KEL: variants seen among roughly 807,000 people sequenced by gnomAD.
KEL encodes the protein kell blood group glycoprotein.
KEL carries 96 observed loss-of-function variants against 99.5 expected under a neutral mutation model. The observed-to-expected ratio is 0.97, with a 90% CI of 0.82 to 1.14. The LOEUF (loss-of-function observed/expected upper bound fraction) is 1.14, where lower values mean the gene tolerates loss of function less well. KEL is among the 50% of genes most tolerant of loss of function. The probability of loss-of-function intolerance (pLI) is 0.00; values close to 1 mark genes in which losing one functional copy is unlikely to be tolerated. For missense variants in KEL, 926 were observed against 924.2 expected, an observed-to-expected ratio of 1.00 and a Z score of -0.03; for synonymous variants, 355 against 354.8, an observed-to-expected ratio of 1.00 and a Z score of -0.01.
intron 6 of KEL, among the ~76,000 whole-genome samples, chr7:142,957,008 G>C (rs563772189): frequency 6.6e-6 from 1 of 152,152 alleles, no homozygotes; most frequent in African/African-American, 2.4e-5. Context: ...GCCTGGCCCT[G>C]TGATAGGTCC....
chr7:142,950,104 G>A (rs1796644398), intron 10 of KEL, among the ~76,000 whole-genome samples: 1 of 152,240 alleles, frequency 6.6e-6, no homozygotes, highest in African/African-American at 2.4e-5. Context: ...AACTCTAGGT[G>A]ATGTCTTTGA....
chr7:142,943,324 C>G lies in KEL; in HGVS notation c.1723G>C (p.Ala575Pro), dbSNP rs1161280219. ...GYPRAVNFGA[A>P]GSIMAHELLH... is the part of the protein sequence containing the mutation. ...AGCTCGTGGGCCATGATGCTGCCAG[C>G]AGCGCCAAAGTTCACGGCTCTAGGG... The change falls in exon 16 of 19, where the codon GCT (alanine) becomes CCT (proline). Residue 575 changes from alanine (A) to proline (P), a missense_variant. Transcript: ENST00000355265. The G allele has an allele frequency of 6.2e-7, 1 of 1,614,118 alleles. No homozygotes were observed. Among genetic ancestry groups the G allele is most frequent in the South Asian group, 1.1e-5 (1 of 91,046 alleles).
rs539392679 is a variant in KEL, at chr7:142,941,369, G to A, written c.2082C>T (p.His694=). 6.2e-7 allele frequency: 1 copy of A among 1,610,632 alleles called. No individual in the cohort carries two copies. The highest frequency in any genetic ancestry group is 8.5e-7 in the Non-Finnish European group (1 of 1,177,368). The change falls in exon 19 of 19, where the codon CAC becomes CAT. Residue 694 remains histidine (H), a synonymous_variant. Transcript: ENST00000355265. ...KPSPQDSHDT[H]SPPHLRVHGP... ...CGTGGACTCGGAGGTGTGGAGGGCT[G>A]TGAGTGTCGTGAGAGTCCTGGGGGC... is the stretch of plus-strand genomic sequence containing the variant.
intron 16 of KEL, 48 bp downstream of exon 16, chr7:142,943,211 GCCTCCCTTGTGGTCTTC>G: frequency 1.9e-6 from 3 of 1,583,638 alleles, no homozygotes; most frequent in Non-Finnish European, 2.6e-6. Context: ...TCCCCTCCAG[GCCTCCCTTGTGGTCTTC>G]CCTTAGGTTC....
Position 142,941,127 on chromosome 7 carries a change from G to C in KEL, c.*125C>G. 1 of 1,038,326 alleles carries C rather than the reference G, an allele frequency of 9.6e-7. No individual in the cohort carries two copies. The highest frequency in any genetic ancestry group is 1.5e-6 in the Non-Finnish European group (1 of 676,656). The allele number at this position is 1,038,326 out of a possible 1,614,324, so 64.3% of individuals were successfully genotyped here. On this transcript the variant is annotated 3_prime_UTR_variant, in exon 19 of 19. Transcript: ENST00000355265. The stretch of plus-strand genomic sequence containing the variant: ...AGGAACAAGTCATTAAGAGACAAGC[G>C]GAAGCCAAGTGCCAGCTTTTATTTT...
chr7:142,961,112 GA>G lies in KEL; in HGVS notation c.224-9del, dbSNP rs1796946149. On this transcript the variant is annotated splice_polypyrimidine_tract_variant and intron_variant, in intron 3 of 18. Transcript: ENST00000355265. ...CAGATGTCTCACAGGGGCCTGTGGG[GA>G]AAAGCTCAGAGCTGGGAAAGAAGAG... 1 of 1,613,096 alleles carries G rather than the reference GA, an allele frequency of 6.2e-7. No homozygotes were observed. Among genetic ancestry groups the G allele is most frequent in the Admixed American group, 1.7e-5 (1 of 60,016 alleles).
Position 142,942,436 on chromosome 7 carries a change from G to A in KEL, c.2035C>T (p.Gln679Ter). Residue 679 changes from glutamine to a stop codon, truncating the protein, a stop_gained and splice_region_variant, in exon 18 of 19, where the codon CAG (glutamine) becomes TAG (stop). Coordinates refer to ENST00000355265, the MANE Select transcript of KEL (RefSeq NM_000420.3). LOFTEE classifies it high-confidence loss of function. ...GGCGGGAGGTGGCCGCTGCCTACCT[G>A]GGCATAGCTTCGAAAGAAGATCTGC... ...PQQIFFRSYA[Q>*]VMCRKPSPQD... is the part of the protein sequence containing the mutation. The A allele has an allele frequency of 1.3e-6, 2 of 1,585,864 alleles. No homozygotes were observed. The highest frequency in any genetic ancestry group is 8.6e-7 in the Non-Finnish European group (1 of 1,164,008).
chr7:142,958,111 C>CT, intron 5 of KEL, 138 bp from the exon 6 acceptor site: 5 of 1,305,984 alleles, frequency 3.8e-6, no homozygotes, highest in Non-Finnish European at 5.4e-6. Flanking sequence ...CACATCTATC[C>CT]TTTTTTATCT....
Position 142,962,322 on chromosome 7 carries a change from A to C in KEL, c.-116T>G. ...AGTTCCTTGATCCTGGAGAAGGGGC[A>C]CTTCTGCTGCTCTTTCGCCTTGTCC... On this transcript the variant is annotated 5_prime_UTR_variant, in exon 1 of 19. Transcript: ENST00000355265. 2 of 1,177,198 alleles carry C rather than the reference A, an allele frequency of 1.7e-6. No homozygotes were observed. The highest frequency in any genetic ancestry group is 2.5e-6 in the Non-Finnish European group (2 of 784,996). The allele number at this position is 1,177,198 out of a possible 1,614,324, so 72.9% of individuals were successfully genotyped here. A position where few individuals can be genotyped will look rare whatever the true frequency, so the allele number is the denominator to read the frequency against.
At chr7:142,954,393 T>C (rs917355159) in intron 7 of KEL, 21 bp from the exon 8 acceptor site, 2 of 1,613,844 alleles carry the variant, frequency 1.2e-6, no homozygotes, top group Non-Finnish European at 1.7e-6. Context: ...GAAATGTCAG[T>C]CACAGGTGCC....
Position 142,944,757 on chromosome 7 carries a change from C to T in KEL, c.1315-16G>A, listed in dbSNP as rs1796476203. 1 of 1,595,080 alleles carries T rather than the reference C, an allele frequency of 6.3e-7. No individual in the cohort carries two copies. Among genetic ancestry groups the T allele is most frequent in the Admixed American group, 1.7e-5 (1 of 59,892 alleles). ...ATTTCATGGCCTGTGGGAGTGAGGT[C>T]CAGGGACAGGGGGACAGGATCAGGA... On this transcript the variant is annotated splice_polypyrimidine_tract_variant and intron_variant, in intron 11 of 18. Transcript: ENST00000355265.
In KEL at chr7:142,941,232, T is replaced by G; in HGVS notation, c.*20A>C. ...GGTGTTGGTCGATATTTCTGTGCTG[T>G]GGCATCTTTGGTAACCAAGTTACCA... is the stretch of plus-strand genomic sequence containing the variant. On this transcript the variant is annotated 3_prime_UTR_variant, in exon 19 of 19. Coordinates refer to ENST00000355265, the MANE Select transcript of KEL (RefSeq NM_000420.3). 1 of 1,613,744 alleles carries G rather than the reference T, an allele frequency of 6.2e-7. No homozygotes were observed.
At chr7:142,961,212 A>G (rs1225713883) in intron 3 of KEL, 108 bp from the exon 4 acceptor site, 2 of 1,520,478 alleles carry the variant, frequency 1.3e-6, no homozygotes, top group Non-Finnish European at 1.8e-6. Flanking sequence ...GAGCTGATGA[A>G]AAAGAAATGG....
At chr7:142,961,762 T>C in intron 2 of KEL, 33 bp downstream of exon 2, 7 of 1,554,908 alleles carry the variant, frequency 4.5e-6, no homozygotes, top group Non-Finnish European at 6.2e-6. Flanking sequence ...ACAACATCAG[T>C]GTATTCCAGA....
intron 17 of KEL, 149 bp downstream of exon 17, chr7:142,942,726 G>A (rs974698038): frequency 3.6e-5 from 37 of 1,029,212 alleles, no homozygotes; most frequent in Non-Finnish European, 5.4e-5. Flanking sequence ...GTAGGAGGGG[G>A]ATCCCCAAGT....
At chr7:142,948,644 C>A (rs2116655603) in intron 10 of KEL, among the ~76,000 whole-genome samples, 1 of 152,242 alleles carries the variant, frequency 6.6e-6, no homozygotes, top group South Asian at 2.1e-4. Context: ...GATAGGATCA[C>A]TGAAGAAAAA....
rs768079132 is a variant in KEL, at chr7:142,946,266, C to G, written c.1255G>C (p.Glu419Gln). The stretch of plus-strand genomic sequence containing the variant: ...ACAAACAAAGCCGCCAGCGTGGGCT[C>G]GAAGAACGTGCCTGTCTCCTCCACG... Reference protein sequence around the residue: ...KCVEETGTFFEPTLAALFVRE... With the variant: ...KCVEETGTFFQPTLAALFVRE... The change falls in exon 11 of 19, where the codon GAG becomes CAG. Residue 419 changes from glutamate (E) to glutamine (Q), a missense_variant. Coordinates refer to ENST00000355265, the MANE Select transcript of KEL (RefSeq NM_000420.3). The G allele has an allele frequency of 3.1e-6, 5 of 1,614,098 alleles. No homozygotes were observed. Among genetic ancestry groups the G allele is most frequent in the Middle Eastern group, 1.6e-4 (1 of 6,062 alleles).
chr7:142,942,783 G>C (rs1369753771), intron 17 of KEL, 92 bp downstream of exon 17: 18 of 1,486,700 alleles, frequency 1.2e-5, no homozygotes, highest in African/African-American at 2.8e-5. Context: ...CCATGCAACT[G>C]TACTTGTGTC....
Position 142,954,203 on chromosome 7 carries a change from A to G in KEL, c.905T>C (p.Val302Ala), listed in dbSNP as rs61729034. 1.6e-3 allele frequency: 2,512 copies of G among 1,611,412 alleles called. 3 individuals carry two copies. The highest frequency in any genetic ancestry group is 1.9e-3 in the Non-Finnish European group (2,213 of 1,179,958). ...RRAQGKLFQM[V>A]TIDQLKEMAP... ...AGGCACCTTGAGCTGGTCGATAGTGACCATCTGGAAGAGCTTGCCCTGTGC... is the reference window on the plus strand; with the variant it reads ...AGGCACCTTGAGCTGGTCGATAGTGGCCATCTGGAAGAGCTTGCCCTGTGC... The change falls in exon 8 of 19, where the codon GTC (valine) becomes GCC (alanine). Residue 302 changes from valine (V) to alanine (A), a missense_variant. By Grantham distance (64) the Val-to-Ala change is moderately conservative. Transcript: ENST00000355265.
Sources: gnomAD v4.1 joint callset for allele counts (sites outside exome capture counted in the v4.1 genomes callset) on GRCh38, gnomAD v4.1.1 for gene constraint, MANE v1.5 for transcripts, NCBI Gene and HGNC (gene_info 2026-07-23, HGNC 2026-07-21) for gene names.